ELMO1: variants seen among roughly 807,000 people sequenced by gnomAD.
ELMO1 encodes engulfment and cell motility protein 1.
In ELMO1, 26 loss-of-function variants were observed where a neutral mutation model predicts 98.9. That is an observed-to-expected ratio of 0.26 (90% CI 0.19 to 0.36). The LOEUF is 0.36. Among genes scored for constraint, ELMO1 ranks in the 10% least tolerant of loss-of-function variants. The pLI, the probability that ELMO1 is intolerant of heterozygous loss-of-function variation, is 1.00. For synonymous variants in ELMO1, 346 were observed against 346.0 expected (o/e 1.00, Z 0.00); for missense variants, 627 against 935.2 (o/e 0.67, Z 4.30).
chr7:36,913,262 C>T (rs987493045), intron 16 of ELMO1, among the ~76,000 whole-genome samples: 51 of 152,296 alleles, frequency 3.3e-4, no homozygotes, highest in African/African-American at 9.6e-4. Context: ...AACTTTAATA[C>T]ATCTCTGTAT....
At chr7:37,208,382 T>G (rs1792757604) in intron 13 of ELMO1, among the ~76,000 whole-genome samples, 1 of 152,260 alleles carries the variant, frequency 6.6e-6, no homozygotes, top group Admixed American at 6.5e-5. Flanking sequence ...AGCCTTGTCA[T>G]GTAATGCTTG....
intron 4 of ELMO1, among the ~76,000 whole-genome samples, chr7:37,297,340 ATCT>A (rs1277018706): frequency 6.6e-6 from 1 of 152,170 alleles, no homozygotes; most frequent in East Asian, 1.9e-4. Context: ...AATATAAAAG[ATCT>A]TATTTCAGTT....
intron 15 of ELMO1, among the ~76,000 whole-genome samples, chr7:37,032,715 G>A (rs966585553): frequency 1.3e-5 from 2 of 152,178 alleles, no homozygotes; most frequent in Non-Finnish European, 2.9e-5. Flanking sequence ...CTCATGACCT[G>A]TCACTGGCAG....
At chr7:36,927,589 G>C (rs890664527) in intron 16 of ELMO1, among the ~76,000 whole-genome samples, 2 of 152,170 alleles carry the variant, frequency 1.3e-5, no homozygotes, top group African/African-American at 4.8e-5. Flanking sequence ...CCCTTGTGAA[G>C]AGTCAGAGTA....
chr7:37,295,174 C>A (rs1341954990), intron 4 of ELMO1, among the ~76,000 whole-genome samples: 1 of 152,102 alleles, frequency 6.6e-6, no homozygotes, highest in Non-Finnish European at 1.5e-5. Context: ...GAATGATATA[C>A]TTCAATTTCA....
chr7:36,958,198 C>T lies in ELMO1; in HGVS notation c.1437+55101G>A, dbSNP rs187881205. Among the ~76,000 whole-genome samples the T allele has an allele frequency of 5.9e-5, 9 of 152,262 alleles. No individual in the cohort carries two copies. In the East Asian group the frequency reaches 1.7e-3, roughly 29 times the overall value. Reference sequence around the variant, plus strand: ...TCCTTTTGTATTCATGAATACATCCCCAGTACCTCTTCTCTCTATCATATT... The same window carrying T: ...TCCTTTTGTATTCATGAATACATCCTCAGTACCTCTTCTCTCTATCATATT... On this transcript the variant is annotated intron_variant, in intron 16 of 21. Coordinates refer to ENST00000310758, the MANE Select transcript of ELMO1 (RefSeq NM_014800.11).
intron 1 of ELMO1, among the ~76,000 whole-genome samples, chr7:37,408,183 C>T (rs764629066): frequency 1.9e-4 from 29 of 152,112 alleles, no homozygotes; most frequent in Middle Eastern, 3.2e-3. Flanking sequence ...TAAAATAATG[C>T]TTGTGAAACT....
At chr7:37,432,159 G>T (rs1445520717) in intron 1 of ELMO1, among the ~76,000 whole-genome samples, 1 of 152,188 alleles carries the variant, frequency 6.6e-6, no homozygotes, top group African/African-American at 2.4e-5. Context: ...GGGATTACAG[G>T]TGTGAGCCAC....
At chr7:36,995,558 G>A (rs2129156010) in intron 16 of ELMO1, among the ~76,000 whole-genome samples, 1 of 151,590 alleles carries the variant, frequency 6.6e-6, no homozygotes, top group South Asian at 2.1e-4. Flanking sequence ...TTATTTAGTT[G>A]AGATATAATT....
At chr7:37,154,995 T>G (rs191081139) in intron 13 of ELMO1, among the ~76,000 whole-genome samples, 1 of 151,954 alleles carries the variant, frequency 6.6e-6, no homozygotes, top group East Asian at 1.9e-4. Context: ...CAGAAGAGAG[T>G]AGGGGCCAAT....
intron 16 of ELMO1, chr7:36,986,315 A>C: frequency 1.1e-6 from 1 of 940,078 alleles, no homozygotes; most frequent in South Asian, 4.9e-5. Flanking sequence ...TTTCTCTTAG[A>C]GTATCACAAG....
At chr7:37,283,601 AG>A (rs1028356027) in intron 4 of ELMO1, among the ~76,000 whole-genome samples, 27 of 152,220 alleles carry the variant, frequency 1.8e-4, no homozygotes, top group African/African-American at 2.9e-4. Flanking sequence ...ACAGCAGCTG[AG>A]GGGGGCCATC....
chr7:37,345,850 G>C (rs543928892), intron 1 of ELMO1, among the ~76,000 whole-genome samples: 34 of 151,248 alleles, frequency 2.2e-4, no homozygotes, highest in African/African-American at 7.8e-4. Context: ...TTAGCCGGGC[G>C]TGGTGGTGGG....
Position 36,870,388 on chromosome 7 carries a change from C to T in ELMO1, c.1905+5G>A, listed in dbSNP as rs1045684970. The T allele has an allele frequency of 6.2e-7, 1 of 1,613,868 alleles. No individual in the cohort carries two copies. The highest frequency in any genetic ancestry group is 1.3e-5 in the African/African-American group (1 of 74,918). ...GAGCTATTTGCAATAATTTGGAAATCATACCTTGTTTTGTTTAAGGGCACC... is the reference window on the plus strand; with the variant it reads ...GAGCTATTTGCAATAATTTGGAAATTATACCTTGTTTTGTTTAAGGGCACC... On this transcript the variant is annotated splice_donor_5th_base_variant and intron_variant, in intron 20 of 21. Transcript: ENST00000310758. This position sits in a 1 kb window ranked among gnomAD's most constrained non-coding sequence, Gnocchi z 4.4.
At chr7:37,235,622 A>G (rs528349613) in intron 7 of ELMO1, among the ~76,000 whole-genome samples, 1 of 152,364 alleles carries the variant, frequency 6.6e-6, no homozygotes, top group Admixed American at 6.5e-5. Flanking sequence ...AGTGGCAGAG[A>G]AACACACACA....
rs1173897320 is a variant in ELMO1 at position 36,960,599 on chromosome 7, TC to T, written c.1437+52699del. On this transcript the variant is annotated intron_variant, in intron 16 of 21. Coordinates refer to ENST00000310758, the MANE Select transcript of ELMO1 (RefSeq NM_014800.11). ...GCATGACTGAAGAAGCAGCCCCCCA[TC>T]CCCCCCACTCACTCACCCCTTAAAC... Among the ~76,000 whole-genome samples the T allele has an allele frequency of 2.8e-5, 4 of 144,340 alleles. No individual in the cohort carries two copies. The East Asian group carries it at 8.4e-4, about 30-fold the overall frequency. The allele number at this position is 144,340 out of a possible 152,430, so 94.7% of individuals were successfully genotyped here.
intron 7 of ELMO1, among the ~76,000 whole-genome samples, chr7:37,238,706 G>A (rs1794603287): frequency 6.6e-6 from 1 of 152,128 alleles, no homozygotes; most frequent in African/African-American, 2.4e-5. Context: ...TTATCAAGAT[G>A]AGGAAGTTCC....
intron 4 of ELMO1, among the ~76,000 whole-genome samples, chr7:37,291,020 A>T (rs992410215): frequency 6.6e-6 from 1 of 152,232 alleles, no homozygotes. Context: ...TCAAAGCTGT[A>T]TGATAATGGT....
chr7:36,862,460 T>G (rs879686753), intron 20 of ELMO1, among the ~76,000 whole-genome samples: 15 of 152,232 alleles, frequency 9.9e-5, no homozygotes, highest in Non-Finnish European at 1.6e-4. Flanking sequence ...CCAAGTGACA[T>G]TTTTCATTTC....
Sources: gnomAD v4.1 joint callset for allele counts (sites outside exome capture counted in the v4.1 genomes callset) on GRCh38, gnomAD v4.1.1 for gene constraint, Gnocchi (gnomAD v3.1) non-coding constraint, MANE v1.5 for transcripts, NCBI Gene and HGNC (gene_info 2026-07-23, HGNC 2026-07-21) for gene names.